Variants in TMEM68 observed in about 807,000 individuals in gnomAD.
The protein encoded by TMEM68 is transmembrane protein 68, also known as DGAT1/2-independent enzyme synthesizing storage lipids.
A neutral mutation model predicts 36.9 loss-of-function variants in TMEM68; 25 were observed. The ratio of observed to expected loss-of-function variants is 0.68; its 90% CI spans 0.49 to 0.95. TMEM68 has a LOEUF of 0.95. Ranked by LOEUF, TMEM68 falls within the 40% of genes least tolerant of loss-of-function variation. TMEM68 has a pLI of 0.00. For missense variants in TMEM68, 333 were observed against 392.0 expected, an observed-to-expected ratio of 0.85 and a Z score of 1.27; for synonymous variants, 131 against 124.4, an observed-to-expected ratio of 1.05 and a Z score of -0.35.
intron 1 of TMEM68, among the ~76,000 whole-genome samples, chr8:55,768,723 G>C (rs117881412): frequency 6.6e-6 from 1 of 151,962 alleles, no homozygotes; most frequent in East Asian, 1.9e-4. Context: ...ATGCATTCCT[G>C]TAATCTCAGC....
intron 3 of TMEM68, chr8:55,762,383 T>C (rs1810820948): frequency 4.3e-6 from 2 of 463,908 alleles, no homozygotes; most frequent in Non-Finnish European, 7.2e-6. Context: ...TAAATATAAA[T>C]TTTCTTATTT....
intron 4 of TMEM68, among the ~76,000 whole-genome samples, chr8:55,752,455 C>T (rs1391533111): frequency 7.9e-5 from 12 of 151,106 alleles, no homozygotes; most frequent in East Asian, 2.0e-4. Flanking sequence ...GGCATGGTGG[C>T]GCACGCTTGT....
rs1036226520 is a variant in TMEM68, at chr8:55,739,237, C to T, written c.*895G>A. 6.5e-5 allele frequency: 10 copies of T among 152,706 alleles called. No individual in the cohort carries two copies. In the South Asian group the frequency reaches 1.2e-3, roughly 19 times the overall value. 9.5% of individuals were successfully genotyped at this position (152,706 alleles called of 1,614,324 possible). The stretch of plus-strand genomic sequence containing the variant: ...CTCAATATTGAGCAAAAGTAGAGAA[C>T]TCTTGCTTTCCTCAGCCTAGAATCA... On this transcript the variant is annotated 3_prime_UTR_variant, in exon 8 of 8. Coordinates refer to ENST00000434581, the MANE Select transcript of TMEM68 (RefSeq NM_001286657.2).
rs1178802813 is a variant in TMEM68 at position 55,739,386 on chromosome 8, A to G, written c.*746T>C. The G allele has an allele frequency of 6.6e-6, 1 of 152,576 alleles. No homozygotes were observed. The highest frequency in any genetic ancestry group is 1.5e-5 in the Non-Finnish European group (1 of 68,040). 9.5% of individuals were successfully genotyped at this position (152,576 alleles called of 1,614,324 possible). ...GTTTGCCTATAGACTCTTGTTAAAA[A>G]TATCATACTAAAAATAATAATTAGA... On this transcript the variant is annotated 3_prime_UTR_variant, in exon 8 of 8. Transcript: ENST00000434581.
At position 55,756,369 on chromosome 8, in the gene TMEM68, G is replaced by T; in HGVS notation, c.368C>A (p.Pro123Gln). The part of the protein sequence containing the change: ...HGMEKIPEDG[P>Q]ALIIFYHGAI... ...TCCATGATAAAAAATTATAAGTGCT[G>T]GTCCATCTTCTGGTATTTTTTCCAT... Residue 123 changes from proline to glutamine, a missense_variant, in exon 4 of 8, where the codon CCA becomes CAA. Transcript: ENST00000434581. The T allele has an allele frequency of 6.3e-7, 1 of 1,592,778 alleles. No homozygotes were observed. Among genetic ancestry groups the T allele is most frequent in the South Asian group, 1.2e-5 (1 of 85,402 alleles).
intron 1 of TMEM68, among the ~76,000 whole-genome samples, chr8:55,765,068 G>A (rs906650160): frequency 4.0e-5 from 6 of 151,884 alleles, no homozygotes; most frequent in African/African-American, 1.2e-4. Context: ...GTGAAACTCC[G>A]TCTCAAAAAA....
intron 5 of TMEM68, chr8:55,745,366 C>T (rs1563426982): frequency 2.9e-5 from 7 of 242,864 alleles, no homozygotes; most frequent in Admixed American, 1.1e-4. Flanking sequence ...GAGGGGATCA[C>T]AAAGTGATTA....
rs1056206032 is a variant in TMEM68, at chr8:55,738,767, A to G, written c.*1365T>C. ...TTAACTGCAACTCAGGTTTATTTTCACATTGTTTAATTTTATGTACATTTC... is the reference window on the plus strand; with the variant it reads ...TTAACTGCAACTCAGGTTTATTTTCGCATTGTTTAATTTTATGTACATTTC... On this transcript the variant is annotated 3_prime_UTR_variant, in exon 8 of 8. Coordinates refer to ENST00000434581, the MANE Select transcript of TMEM68 (RefSeq NM_001286657.2). 2.0e-5 allele frequency: 3 copies of G among 152,470 alleles called. No individual in the cohort carries two copies. The highest frequency in any genetic ancestry group is 4.4e-5 in the Non-Finnish European group (3 of 68,034). 9.4% of individuals were successfully genotyped at this position (152,470 alleles called of 1,614,324 possible).
chr8:55,759,714 C>A (rs1431516221), intron 3 of TMEM68, among the ~76,000 whole-genome samples: 1 of 152,084 alleles, frequency 6.6e-6, no homozygotes, highest in African/African-American at 2.4e-5. Context: ...ACTTTAAGTT[C>A]ATTCACAAAC....
chr8:55,752,484 G>C (rs1039852734), intron 4 of TMEM68, among the ~76,000 whole-genome samples: 5 of 151,906 alleles, frequency 3.3e-5, no homozygotes, highest in African/African-American at 1.2e-4. Context: ...CTACTCAGGA[G>C]GCTGAGGCAG....
chr8:55,767,403 G>A (rs914473098), intron 1 of TMEM68, among the ~76,000 whole-genome samples: 1 of 152,144 alleles, frequency 6.6e-6, no homozygotes, highest in South Asian at 2.1e-4. Context: ...GAACAGGTTT[G>A]AGGGTGGGAT....
At chr8:55,759,869 T>A (rs1810730199) in intron 3 of TMEM68, among the ~76,000 whole-genome samples, 1 of 152,170 alleles carries the variant, frequency 6.6e-6, no homozygotes, top group South Asian at 2.1e-4. Flanking sequence ...TACAAGAAAA[T>A]CTCTGTCCTG....
chr8:55,772,384 T>C (rs1811204929), intron 1 of TMEM68, among the ~76,000 whole-genome samples: 1 of 152,220 alleles, frequency 6.6e-6, no homozygotes, highest in Non-Finnish European at 1.5e-5. Flanking sequence ...CTGAAGAAGT[T>C]GCCCGTGCAG....
intron 4 of TMEM68, among the ~76,000 whole-genome samples, chr8:55,754,585 T>C (rs1249127677): frequency 7.4e-6 from 1 of 135,616 alleles, no homozygotes; most frequent in African/African-American, 2.8e-5. Context: ...TTATATAAAA[T>C]ACATATATTA....
At chr8:55,767,858 A>C (rs907007650) in intron 1 of TMEM68, among the ~76,000 whole-genome samples, 1 of 152,024 alleles carries the variant, frequency 6.6e-6, no homozygotes, top group African/African-American at 2.4e-5. Flanking sequence ...AATCGCTTGG[A>C]CCTGGGAGGC....
At chr8:55,748,542 G>T (rs1810345719) in intron 5 of TMEM68, among the ~76,000 whole-genome samples, 1 of 149,042 alleles carries the variant, frequency 6.7e-6, no homozygotes, top group Admixed American at 6.7e-5. Context: ...GCATGCATGT[G>T]TGCAAGGGAG....
intron 4 of TMEM68, among the ~76,000 whole-genome samples, chr8:55,755,061 G>A (rs1435126237): frequency 1.3e-5 from 2 of 149,090 alleles, no homozygotes; most frequent in African/African-American, 4.9e-5. Context: ...AACTTTTGAA[G>A]GCCACAGTGG....
chr8:55,770,769 C>T (rs1811130505), intron 1 of TMEM68, among the ~76,000 whole-genome samples: 1 of 152,104 alleles, frequency 6.6e-6, no homozygotes. Flanking sequence ...CTACAGCCCC[C>T]TGCTCCTAAA....
At chr8:55,740,520 C>A (rs1190411650) in intron 7 of TMEM68, among the ~76,000 whole-genome samples, 1 of 151,778 alleles carries the variant, frequency 6.6e-6, no homozygotes, top group Non-Finnish European at 1.5e-5. Flanking sequence ...TTGTTGTCCA[C>A]GTGTCTATTT....
Sources: gnomAD v4.1 joint callset for allele counts (sites outside exome capture counted in the v4.1 genomes callset) on GRCh38, gnomAD v4.1.1 for gene constraint, MANE v1.5 for transcripts, NCBI Gene and HGNC (gene_info 2026-07-23, HGNC 2026-07-21) for gene names.